CHST11: variants seen among roughly 807,000 people sequenced by gnomAD.
The protein encoded by CHST11 is carbohydrate sulfotransferase 11.
Under a neutral mutation model 30.4 loss-of-function variants are expected in CHST11, and 9 were observed. The observed-to-expected ratio is 0.30, with a 90% CI of 0.18 to 0.52. The LOEUF (loss-of-function observed/expected upper bound fraction) is 0.52. Ranked by LOEUF, CHST11 falls within the 20% of genes least tolerant of loss-of-function variation. CHST11 has a pLI of 0.97. For missense variants in CHST11, 348 were observed against 460.6 expected, an observed-to-expected ratio of 0.76 and a Z score of 2.24; for synonymous variants, 152 against 187.8, an observed-to-expected ratio of 0.81 and a Z score of 1.56.
chr12:104,685,714 G>T (rs1327806259), intron 2 of CHST11, among the ~76,000 whole-genome samples: 1 of 152,210 alleles, frequency 6.6e-6, no homozygotes, highest in Non-Finnish European at 1.5e-5. Flanking sequence ...GGTTGAGCCG[G>T]TGAAGAATTT....
At chr12:104,615,401 C>T (rs544401877) in intron 2 of CHST11, among the ~76,000 whole-genome samples, 19 of 152,336 alleles carry the variant, frequency 1.2e-4, no homozygotes, top group Middle Eastern at 3.4e-3. Context: ...CTTGAGAACT[C>T]GGCAAGCTCA....
intron 2 of CHST11, among the ~76,000 whole-genome samples, chr12:104,756,532 G>GGT (rs113577198): frequency 0.02 from 2,896 of 143,358 alleles, 72 homozygotes; most frequent in African/African-American, 0.06. Flanking sequence ...ATCCATGTGG[G>GGT]GTGTGTGTGT....
At position 104,609,360 on chromosome 12, in the gene CHST11, G is replaced by A. The variant is rs150171050; in HGVS notation, c.204+7369G>A. ...TTACATTAACCTGATCTTACACACAGTACTTGGGAGAATGCTTCATTATTA... is the reference window on the plus strand; with the variant it reads ...TTACATTAACCTGATCTTACACACAATACTTGGGAGAATGCTTCATTATTA... On this transcript the variant is annotated intron_variant, in intron 2 of 2. Transcript: ENST00000303694. Among the ~76,000 whole-genome samples the A allele has an allele frequency of 5.9e-3, 906 of 152,344 alleles. 3 individuals carry two copies. The highest frequency in any genetic ancestry group is 0.027 in the Middle Eastern group (8 of 294).
chr12:104,504,762 T>G (rs923200143), intron 1 of CHST11, among the ~76,000 whole-genome samples: 1 of 152,092 alleles, frequency 6.6e-6, no homozygotes, highest in Non-Finnish European at 1.5e-5. Flanking sequence ...GCCCAGGAGT[T>G]GGAGACCAGC....
In CHST11 at chr12:104,758,034, C is replaced by A; in HGVS notation, c.*231C>A. 2.1e-6 allele frequency: 1 copy of A among 465,148 alleles called. No homozygotes were observed. The highest frequency in any genetic ancestry group is 3.8e-6 in the Non-Finnish European group (1 of 263,952). 28.8% of individuals were successfully genotyped at this position (465,148 alleles called of 1,614,324 possible). On this transcript the variant is annotated 3_prime_UTR_variant, in exon 3 of 3. Transcript: ENST00000303694. ...AGAAGTGAATACTGCAACACTGTCT[C>A]AAAGGTTTCTTGTGTTCTGGTGAAT...
At chr12:104,520,857 T>C (rs2038067374) in intron 1 of CHST11, among the ~76,000 whole-genome samples, 1 of 152,222 alleles carries the variant, frequency 6.6e-6, no homozygotes, top group African/African-American at 2.4e-5. Flanking sequence ...CCTTCTGTTC[T>C]CTGACCCTGG....
At chr12:104,603,669 G>A (rs1477552726) in intron 2 of CHST11, among the ~76,000 whole-genome samples, 1 of 152,188 alleles carries the variant, frequency 6.6e-6, no homozygotes, top group Non-Finnish European at 1.5e-5. Context: ...TGTGTCAGGG[G>A]CTCTGTCAGT....
chr12:104,495,767 A>C (rs2037792819), intron 1 of CHST11, among the ~76,000 whole-genome samples: 1 of 152,244 alleles, frequency 6.6e-6, no homozygotes, highest in Non-Finnish European at 1.5e-5. Context: ...GAACTCATAC[A>C]AGGTCACACA....
chr12:104,746,155 T>A (rs968773156), intron 2 of CHST11, among the ~76,000 whole-genome samples: 6 of 152,148 alleles, frequency 3.9e-5, no homozygotes, highest in South Asian at 2.1e-4. Flanking sequence ...ATCAGTGAGA[T>A]CTATGTGGCA....
intron 1 of CHST11, among the ~76,000 whole-genome samples, chr12:104,482,685 G>T (rs983010952): frequency 2.0e-5 from 3 of 152,108 alleles, no homozygotes; most frequent in Admixed American, 2.0e-4. Flanking sequence ...CACACACATT[G>T]CCTCAAATTC....
chr12:104,484,457 A>G (rs549417435), intron 1 of CHST11, among the ~76,000 whole-genome samples: 3 of 152,290 alleles, frequency 2.0e-5, no homozygotes, highest in African/African-American at 7.2e-5. Context: ...CTGAGCACCT[A>G]CCCTGTGCAG....
chr12:104,630,063 G>A (rs1314984133), intron 2 of CHST11, among the ~76,000 whole-genome samples: 2 of 152,168 alleles, frequency 1.3e-5, no homozygotes, highest in Non-Finnish European at 2.9e-5. Flanking sequence ...CCGCATCCAG[G>A]ATAATTTTTC....
intron 1 of CHST11, among the ~76,000 whole-genome samples, chr12:104,459,285 A>G (rs1194487606): frequency 1.3e-5 from 2 of 152,100 alleles, no homozygotes; most frequent in African/African-American, 2.4e-5. Flanking sequence ...GCCAAGCTCC[A>G]GGGCCCACCG....
At chr12:104,734,374 C>A (rs1182557390) in intron 2 of CHST11, among the ~76,000 whole-genome samples, 1 of 152,170 alleles carries the variant, frequency 6.6e-6, no homozygotes, top group East Asian at 1.9e-4. Context: ...GTTCCGGGCC[C>A]TGTGTAGGCA....
intron 2 of CHST11, among the ~76,000 whole-genome samples, chr12:104,690,256 T>C (rs183702613): frequency 2.5e-3 from 382 of 152,360 alleles, no homozygotes; most frequent in African/African-American, 8.3e-3. Flanking sequence ...AAGAATTGCA[T>C]TGGAAGGATT....
chr12:104,642,439 C>T (rs1014635795), intron 2 of CHST11, among the ~76,000 whole-genome samples: 2 of 152,126 alleles, frequency 1.3e-5, no homozygotes, highest in Non-Finnish European at 2.9e-5. Flanking sequence ...CTTGCTGTGT[C>T]GCCCAGGCTG....
chr12:104,727,574 C>G (rs1303944453), intron 2 of CHST11, among the ~76,000 whole-genome samples: 1 of 152,152 alleles, frequency 6.6e-6, no homozygotes, highest in Non-Finnish European at 1.5e-5. Context: ...ACTGGACCAA[C>G]CAGTCCACCA....
intron 2 of CHST11, among the ~76,000 whole-genome samples, chr12:104,699,266 G>C (rs1383292600): frequency 6.6e-6 from 1 of 152,232 alleles, no homozygotes; most frequent in East Asian, 1.9e-4. Context: ...CACGTGTGGT[G>C]ACTGAGCTCT....
intron 2 of CHST11, among the ~76,000 whole-genome samples, chr12:104,610,270 A>G (rs2039047991): frequency 6.6e-6 from 1 of 152,188 alleles, no homozygotes; most frequent in Non-Finnish European, 1.5e-5. Flanking sequence ...TGTTCATGTG[A>G]AAGCATTGAT....
Sources: gnomAD v4.1 joint callset for allele counts (sites outside exome capture counted in the v4.1 genomes callset) on GRCh38, gnomAD v4.1.1 for gene constraint, MANE v1.5 for transcripts, NCBI Gene and HGNC (gene_info 2026-07-23, HGNC 2026-07-21) for gene names.